The following STAT3 variants were observed in gnomAD, a reference collection of about 807,000 sequenced individuals.
STAT3 encodes the protein DNA-binding protein APRF.
STAT3 carries 7 observed loss-of-function variants against 114.3 expected under a neutral mutation model. The ratio of observed to expected loss-of-function variants is 0.06; its 90% CI spans 0.03 to 0.11. STAT3 has a LOEUF of 0.11. Among genes scored for constraint, STAT3 ranks in the 10% least tolerant of loss-of-function variants. The pLI, the probability that STAT3 is intolerant of heterozygous loss-of-function variation, is 1.00. For synonymous variants in STAT3, 331 were observed against 354.5 expected, an observed-to-expected ratio of 0.93 and a Z score of 0.74; for missense variants, 364 against 960.9, an observed-to-expected ratio of 0.38 and a Z score of 8.21.
intron 1 of STAT3, among the ~76,000 whole-genome samples, chr17:42,367,742 T>C (rs1421166016): frequency 1.3e-5 from 2 of 152,200 alleles, no homozygotes; most frequent in African/African-American, 2.4e-5. Flanking sequence ...CCTTCCAATA[T>C]GATCAACTAG....
chr17:42,332,705 T>C (rs755898356), intron 10 of STAT3, among the ~76,000 whole-genome samples: 5 of 151,736 alleles, frequency 3.3e-5, no homozygotes, highest in Non-Finnish European at 7.4e-5. Context: ...TAGCCGGGCA[T>C]GGTGGAGTGT....
At chr17:42,320,622 C>T (rs977912028) in intron 21 of STAT3, among the ~76,000 whole-genome samples, 2 of 149,580 alleles carry the variant, frequency 1.3e-5, no homozygotes, top group South Asian at 2.1e-4. Context: ...CCCAGCTACT[C>T]GGGAGGCTGA....
intron 1 of STAT3, among the ~76,000 whole-genome samples, chr17:42,381,989 C>T (rs1426115424): frequency 6.6e-6 from 1 of 152,158 alleles, no homozygotes; most frequent in Non-Finnish European, 1.5e-5. Context: ...TCCTTGGCCT[C>T]CTTTCCCCTT....
chr17:42,323,416 G>C, intron 18 of STAT3, 62 bp from the exon 19 acceptor site: 1 of 1,588,418 alleles, frequency 6.3e-7, no homozygotes, highest in South Asian at 1.1e-5. Flanking sequence ...CCTTCCTAGG[G>C]GTGCAGTGCA....
At chr17:42,317,702 A>G (rs1009719580) in intron 21 of STAT3, 1 of 200,288 alleles carries the variant, frequency 5.0e-6, no homozygotes, top group African/African-American at 2.3e-5. Flanking sequence ...GAGACTGCTA[A>G]TGCTTGTGGT....
chr17:42,372,723 T>A lies in STAT3; in HGVS notation c.-24+15556A>T, dbSNP rs754777106. Among the ~76,000 whole-genome samples, 3 of 152,160 alleles carry A rather than the reference T, an allele frequency of 2.0e-5. No homozygotes were observed. In the East Asian group the frequency reaches 5.8e-4, roughly 29 times the overall value. ...CAGGCTGGACAGAGTGGCTCACACC[T>A]GTAATTCCAACACTTTGGGAGACTG... On this transcript the variant is annotated intron_variant, in intron 1 of 23. Transcript: ENST00000264657.
In STAT3 at chr17:42,323,030, A is replaced by T. The variant is rs1306360590; in HGVS notation, c.1862T>A (p.Phe621Tyr). Reference protein sequence around the residue: ...SESSKEGGVTFTWVEKDISGK... With the variant: ...SESSKEGGVTYTWVEKDISGK... Reference sequence around the variant, plus strand: ...GCTGATGTCCTTCTCCACCCAAGTGAAAGTGACGCCTCCTTCTTTGCTGCT... The same window carrying T: ...GCTGATGTCCTTCTCCACCCAAGTGTAAGTGACGCCTCCTTCTTTGCTGCT... The change falls in exon 20 of 24, where the codon TTC becomes TAC. Residue 621 changes from phenylalanine (F) to tyrosine (Y), a missense_variant. Transcript: ENST00000264657. 2 of 1,614,128 alleles carry T rather than the reference A, an allele frequency of 1.2e-6. No individual in the cohort carries two copies.
chr17:42,379,820 C>T lies in STAT3; in HGVS notation c.-24+8459G>A, dbSNP rs189769956. Among the ~76,000 whole-genome samples, 26 of 152,234 alleles carry T rather than the reference C, an allele frequency of 1.7e-4. No individual in the cohort carries two copies. The East Asian group carries it at 5.0e-3, about 29-fold the overall frequency. On this transcript the variant is annotated intron_variant, in intron 1 of 23. Coordinates refer to ENST00000264657, the MANE Select transcript of STAT3 (RefSeq NM_139276.3). ...TGTGTAAACAGGAATTTACAGTTTG[C>T]CTTACCTATTCCTTTTATATGACAG... is the stretch of plus-strand genomic sequence containing the variant.
At chr17:42,381,307 G>A (rs2084778423) in intron 1 of STAT3, among the ~76,000 whole-genome samples, 1 of 152,220 alleles carries the variant, frequency 6.6e-6, no homozygotes, top group African/African-American at 2.4e-5. Flanking sequence ...TAAAATTTCA[G>A]TGATGAGCAA....
chr17:42,332,129 G>A (rs1156428058), intron 10 of STAT3, among the ~76,000 whole-genome samples: 2 of 151,612 alleles, frequency 1.3e-5, no homozygotes, highest in African/African-American at 2.4e-5. Flanking sequence ...GTTTCTCCAT[G>A]TTGGTCAGGA....
At chr17:42,362,981 C>T (rs1323344113) in intron 1 of STAT3, among the ~76,000 whole-genome samples, 3 of 152,202 alleles carry the variant, frequency 2.0e-5, no homozygotes, top group Non-Finnish European at 4.4e-5. Flanking sequence ...TTAACTTGGA[C>T]TCATAACCAC....
chr17:42,333,008 C>T lies in STAT3; in HGVS notation c.1049+665G>A, dbSNP rs528817530. 6.6e-6 allele frequency among the ~76,000 whole-genome samples: 1 copy of T among 152,178 alleles called. No homozygotes were observed. The highest frequency in any genetic ancestry group is 2.1e-4 in the South Asian group (1 of 4,822). ...AGTGAGACCCTGTCTCAAACAAAAA[C>T]AAAAGATGAGTATCACTCCTTCAAG... On this transcript the variant is annotated intron_variant, in intron 10 of 23. Coordinates refer to ENST00000264657, the MANE Select transcript of STAT3 (RefSeq NM_139276.3). The surrounding 1 kb of genome is among the most constrained non-coding windows in gnomAD (Gnocchi z 5.2).
intron 1 of STAT3, 44 bp downstream of exon 1, chr17:42,388,235 G>A: frequency 8.1e-7 from 1 of 1,231,732 alleles, no homozygotes; most frequent in Non-Finnish European, 1.0e-6. Context: ...GGAGCCCCCG[G>A]GTCCCCAGGC....
At chr17:42,327,100 G>A (rs1048071324) in intron 14 of STAT3, among the ~76,000 whole-genome samples, 6 of 152,062 alleles carry the variant, frequency 3.9e-5, no homozygotes, top group East Asian at 3.8e-4. Context: ...TGTAAAATAC[G>A]TAAGGCACAA....
At chr17:42,350,172 G>A (rs1433465169) in intron 1 of STAT3, among the ~76,000 whole-genome samples, 1 of 152,166 alleles carries the variant, frequency 6.6e-6, no homozygotes, top group Non-Finnish European at 1.5e-5. Flanking sequence ...CATTTAATGA[G>A]AGACTGAACA....
At position 42,354,721 on chromosome 17, in the gene STAT3, C is replaced by T. The variant is rs188329012; in HGVS notation, c.-23-6182G>A. ...ACTTGGGAGGCTGAGGCAGGAGAATCGCTTGAACCTGGGAGGCAGAGGTTG... is the reference window on the plus strand; with the variant it reads ...ACTTGGGAGGCTGAGGCAGGAGAATTGCTTGAACCTGGGAGGCAGAGGTTG... On this transcript the variant is annotated intron_variant, in intron 1 of 23. Coordinates refer to ENST00000264657, the MANE Select transcript of STAT3 (RefSeq NM_139276.3). Among the ~76,000 whole-genome samples, 718 of 144,768 alleles carry T rather than the reference C, an allele frequency of 5.0e-3. 3 individuals are homozygous for T. The highest frequency in any genetic ancestry group is 0.018 in the African/African-American group (678 of 38,144). The allele number at this position is 144,768 out of a possible 152,430, so 95.0% of individuals were successfully genotyped here.
intron 22 of STAT3, 44 bp from the exon 23 acceptor site, chr17:42,316,945 C>A (rs781702767): frequency 3.7e-5 from 59 of 1,574,752 alleles, no homozygotes; most frequent in Admixed American, 2.2e-4. Flanking sequence ...GGGGGGTTGA[C>A]AAGACACAAT....
chr17:42,343,368 A>G (rs1248325554), intron 4 of STAT3, among the ~76,000 whole-genome samples: 4 of 151,478 alleles, frequency 2.6e-5, no homozygotes, highest in Non-Finnish European at 5.9e-5. Flanking sequence ...ATGATTTAGT[A>G]TATGTGTTTC....
intron 1 of STAT3, among the ~76,000 whole-genome samples, chr17:42,384,132 A>AG (rs1555581273): frequency 0.066 from 8,956 of 134,964 alleles, 337 homozygotes; most frequent in South Asian, 0.086. Flanking sequence ...TTATTTATTT[A>AG]TTTTTTTTTT....
Sources: allele counts gnomAD v4.1 joint callset (sites outside exome capture counted in the v4.1 genomes callset), GRCh38; gene constraint gnomAD v4.1.1; non-coding constraint Gnocchi (gnomAD v3.1); transcripts MANE v1.5; gene names NCBI Gene and HGNC (gene_info 2026-07-23, HGNC 2026-07-21).